Variants in LRFN2 observed in about 807,000 individuals in gnomAD.
LRFN2 encodes the protein leucine-rich repeat and fibronectin type-III domain-containing protein 2.
In LRFN2, 18 loss-of-function variants were observed where a neutral mutation model predicts 37.3. The ratio of observed to expected loss-of-function variants is 0.48; its 90% CI spans 0.33 to 0.72. The LOEUF (loss-of-function observed/expected upper bound fraction) is 0.72, where lower values mean the gene tolerates loss of function less well. Ranked by LOEUF, LRFN2 falls within the 30% of genes least tolerant of loss-of-function variation. LRFN2 has a pLI of 0.02. For missense variants in LRFN2, 1,006 were observed against 1,060.7 expected (o/e 0.95, Z 0.72); for synonymous variants, 556 against 466.6 (o/e 1.19, Z -2.47).
At chr6:40,567,669 T>C (rs921104039) in intron 1 of LRFN2, among the ~76,000 whole-genome samples, 1 of 152,194 alleles carries the variant, frequency 6.6e-6, no homozygotes, top group Non-Finnish European at 1.5e-5. Context: ...GAACTTACAT[T>C]GAGCATTGAC....
intron 1 of LRFN2, among the ~76,000 whole-genome samples, chr6:40,465,740 A>G (rs1764446483): frequency 6.6e-6 from 1 of 152,096 alleles, no homozygotes; most frequent in East Asian, 1.9e-4. Flanking sequence ...GAATTTGGGG[A>G]CTGGAGAGAT....
intron 2 of LRFN2, among the ~76,000 whole-genome samples, chr6:40,418,698 C>T (rs546429833): frequency 6.4e-4 from 98 of 152,280 alleles, no homozygotes; most frequent in Non-Finnish European, 1.1e-3. Flanking sequence ...AGCTGTGAGA[C>T]CTTGCAAGTC....
At chr6:40,482,640 C>A (rs1218658399) in intron 1 of LRFN2, among the ~76,000 whole-genome samples, 1 of 152,248 alleles carries the variant, frequency 6.6e-6, no homozygotes, top group Non-Finnish European at 1.5e-5. Flanking sequence ...CATCTGCCAG[C>A]TCCTCTGAAG....
In LRFN2 at chr6:40,432,226, G is replaced by C. The variant is rs150736158; in HGVS notation, c.888C>G (p.His296Gln). The part of the protein sequence containing the change: ...CEPPLITQHT[H>Q]KLLVLEGQAA... ...CCTGGCCCTCCAGAACCAGCAACTT[G>C]TGTGTGTGCTGGGTGATGAGAGGCG... The change falls in exon 2 of 3, where the codon CAC (histidine) becomes CAG (glutamine). Residue 296 changes from histidine (H) to glutamine (Q), a missense_variant. Physicochemically the swap from His to Gln is conservative, Grantham distance 24. Coordinates refer to ENST00000338305, the MANE Select transcript of LRFN2 (RefSeq NM_020737.3). 2.0e-5 allele frequency: 33 copies of C among 1,613,908 alleles called. No homozygotes were observed. The African/African-American group carries it at 4.3e-4, about 21-fold the overall frequency.
At chr6:40,411,476 C>A (rs1478364315) in intron 2 of LRFN2, among the ~76,000 whole-genome samples, 1 of 152,210 alleles carries the variant, frequency 6.6e-6, no homozygotes, top group Non-Finnish European at 1.5e-5. Context: ...TGTGAACATG[C>A]ACAGGTCGGG....
intron 1 of LRFN2, among the ~76,000 whole-genome samples, chr6:40,469,580 G>C (rs1764548515): frequency 6.6e-6 from 1 of 152,158 alleles, no homozygotes; most frequent in Non-Finnish European, 1.5e-5. Flanking sequence ...CATCTCCATT[G>C]CATTTCTCAG....
At chr6:40,532,595 T>C (rs548164959) in intron 1 of LRFN2, among the ~76,000 whole-genome samples, 1 of 152,198 alleles carries the variant, frequency 6.6e-6, no homozygotes, top group African/African-American at 2.4e-5. Flanking sequence ...TGCCTCTGCC[T>C]GCCCTGCCTA....
At chr6:40,515,892 CAAAAAAAAAAAA>C (rs71543993) in intron 1 of LRFN2, among the ~76,000 whole-genome samples, 4 of 91,762 alleles carry the variant, frequency 4.4e-5, no homozygotes, top group African/African-American at 1.2e-4. Context: ...GACTCCATAT[CAAAAAAAAAAAA>C]AAAAAAAAAA....
intron 1 of LRFN2, among the ~76,000 whole-genome samples, chr6:40,442,219 G>GGGA (rs769895495): frequency 1.4e-4 from 21 of 152,200 alleles, no homozygotes; most frequent in Non-Finnish European, 2.5e-4. Flanking sequence ...GCAGTGGGGT[G>GGGA]AATAACGCAA....
intron 2 of LRFN2, among the ~76,000 whole-genome samples, chr6:40,427,963 G>A (rs953380437): frequency 6.6e-6 from 1 of 152,192 alleles, no homozygotes; most frequent in African/African-American, 2.4e-5. Flanking sequence ...GTCTTGTTAG[G>A]TTGAGGCTCT....
intron 1 of LRFN2, among the ~76,000 whole-genome samples, chr6:40,511,542 C>T (rs1362174369): frequency 6.6e-6 from 1 of 152,144 alleles, no homozygotes; most frequent in African/African-American, 2.4e-5. Context: ...CCCAGGCCAC[C>T]CAGCTCTGGA....
chr6:40,444,616 T>C lies in LRFN2; in HGVS notation c.-18-11485A>G, dbSNP rs1166304969. 2.6e-5 allele frequency among the ~76,000 whole-genome samples: 4 copies of C among 152,294 alleles called. No homozygotes were observed. The East Asian group carries it at 7.7e-4, about 29-fold the overall frequency. The stretch of plus-strand genomic sequence containing the variant: ...GAGCATGCATAGGAGTTCTATAAGC[T>C]GGGTCCCTGCACTGACCCTGCCTTG... On this transcript the variant is annotated intron_variant, in intron 1 of 2. Transcript: ENST00000338305.
At position 40,392,343 on chromosome 6, in the gene LRFN2, A is replaced by T; in HGVS notation, c.1970T>A (p.Met657Lys). 1 of 1,610,020 alleles carries T rather than the reference A, an allele frequency of 6.2e-7. No homozygotes were observed. The highest frequency in any genetic ancestry group is 8.5e-7 in the Non-Finnish European group (1 of 1,178,578). ...PRPKPSLDRL[M>K]GAFASLDLKS... Reference sequence around the variant, plus strand: ...GAGGTCCAGGGAGGCGAAGGCCCCCATCAGGCGGTCAAGGCTGGGCTTGGG... The same window carrying T: ...GAGGTCCAGGGAGGCGAAGGCCCCCTTCAGGCGGTCAAGGCTGGGCTTGGG... Residue 657 changes from methionine (M) to lysine (K), a missense_variant, in exon 3 of 3, where the codon ATG becomes AAG. Coordinates refer to ENST00000338305, the MANE Select transcript of LRFN2 (RefSeq NM_020737.3). The surrounding 1 kb of genome is among the most constrained non-coding windows in gnomAD (Gnocchi z 4.7).
rs531202801 is a variant in LRFN2 at position 40,556,690 on chromosome 6, T to C, written c.-19+30251A>G. ...TCTCTCTCTCTCTCTCTCTCTCTCTTTGTTTCTCTCTCTCTTACCTACATA... is the reference window on the plus strand; with the variant it reads ...TCTCTCTCTCTCTCTCTCTCTCTCTCTGTTTCTCTCTCTCTTACCTACATA... On this transcript the variant is annotated intron_variant, in intron 1 of 2. Coordinates refer to ENST00000338305, the MANE Select transcript of LRFN2 (RefSeq NM_020737.3). 4.7e-3 allele frequency among the ~76,000 whole-genome samples: 552 copies of C among 117,180 alleles called. 4 individuals are homozygous for C. Among genetic ancestry groups the C allele is most frequent in the Non-Finnish European group, 6.7e-3 (365 of 54,844 alleles). The allele number at this position is 117,180 out of a possible 152,430, so 76.9% of individuals were successfully genotyped here. A position where few individuals can be genotyped will look rare whatever the true frequency, so the allele number is the denominator to read the frequency against.
intron 1 of LRFN2, chr6:40,502,252 T>A (rs2113877066): frequency 6.6e-6 from 1 of 152,170 alleles, no homozygotes; most frequent in Admixed American, 6.5e-5. Flanking sequence ...ATATGAGAGA[T>A]GCCATAGAGC....
chr6:40,413,438 G>GGGATGAT (rs1205161341), intron 2 of LRFN2, among the ~76,000 whole-genome samples: 1 of 152,166 alleles, frequency 6.6e-6, no homozygotes, highest in Non-Finnish European at 1.5e-5. Flanking sequence ...TAGCTCTGGG[G>GGGATGAT]GGATGATGAC....
intron 1 of LRFN2, among the ~76,000 whole-genome samples, chr6:40,489,162 A>G (rs1765032021): frequency 6.6e-6 from 1 of 152,144 alleles, no homozygotes; most frequent in South Asian, 2.1e-4. Context: ...GCCTGCCTCC[A>G]TCTCACTGCC....
At chr6:40,415,107 C>T (rs1046879692) in intron 2 of LRFN2, among the ~76,000 whole-genome samples, 1 of 152,188 alleles carries the variant, frequency 6.6e-6, no homozygotes, top group Non-Finnish European at 1.5e-5. Flanking sequence ...GGACCAGAGA[C>T]CCACCCCAGA....
intron 1 of LRFN2, among the ~76,000 whole-genome samples, chr6:40,531,136 C>A (rs755229223): frequency 6.6e-6 from 1 of 152,186 alleles, no homozygotes; most frequent in Admixed American, 6.5e-5. Flanking sequence ...GCTCCCCGAA[C>A]TGGGCAACTG....
Sources: allele counts gnomAD v4.1 joint callset (sites outside exome capture counted in the v4.1 genomes callset), GRCh38; gene constraint gnomAD v4.1.1; non-coding constraint Gnocchi (gnomAD v3.1); transcripts MANE v1.5; gene names NCBI Gene and HGNC (gene_info 2026-07-23, HGNC 2026-07-21).